Variants in ARHGAP6 observed in about 807,000 individuals in gnomAD.
ARHGAP6 encodes the protein Rho GTPase activating protein 6.
ARHGAP6 carries 16 observed loss-of-function variants against 55.7 expected under a neutral mutation model. The ratio of observed to expected loss-of-function variants is 0.29; its 90% CI spans 0.19 to 0.44. The LOEUF is 0.44. Ranked by LOEUF, ARHGAP6 falls within the 20% of genes least tolerant of loss-of-function variation. ARHGAP6 has a pLI of 1.00. For missense variants in ARHGAP6, 698 were observed against 808.9 expected (o/e 0.86, Z 1.66); for synonymous variants, 382 against 360.9 (o/e 1.06, Z -0.66).
intron 1 of ARHGAP6, among the ~76,000 whole-genome samples, chrX:11,549,015 T>G (rs919191995): frequency 8.9e-6 from 1 of 112,417 alleles, no homozygotes; most frequent in African/African-American, 3.2e-5. Context: ...CATTGAATAG[T>G]TAAACATAAG....
At chrX:11,625,416 A>C (rs2052285598) in intron 1 of ARHGAP6, among the ~76,000 whole-genome samples, 1 of 111,017 alleles carries the variant, frequency 9.0e-6, no homozygotes, top group Non-Finnish European at 1.9e-5. Context: ...ACTGGAGGAC[A>C]TTATGTTAGT....
intron 1 of ARHGAP6, among the ~76,000 whole-genome samples, chrX:11,323,882 A>G (rs940370578): frequency 1.0e-4 from 11 of 108,287 alleles, no homozygotes; most frequent in South Asian, 4.0e-4. Context: ...AAAAAAAAAA[A>G]AAAAAGAAAA....
chrX:11,387,911 T>C (rs1358456699), intron 1 of ARHGAP6, among the ~76,000 whole-genome samples: 19 of 112,078 alleles, frequency 1.7e-4, no homozygotes, highest in Admixed American at 4.7e-4. Context: ...GCATAGTATT[T>C]CATGGTGTAT....
chrX:11,326,408 G>A (rs1157597148), intron 1 of ARHGAP6, among the ~76,000 whole-genome samples: 4 of 111,183 alleles, frequency 3.6e-5, no homozygotes, highest in East Asian at 5.6e-4. Flanking sequence ...GATTACAGGC[G>A]TGAGCCATCG....
chrX:11,525,571 C>T (rs2050980857), intron 1 of ARHGAP6, among the ~76,000 whole-genome samples: 1 of 111,983 alleles, frequency 8.9e-6, no homozygotes, highest in Non-Finnish European at 1.9e-5. Context: ...TCTGCTTTTA[C>T]TACCCCATAC....
chrX:11,618,410 G>A (rs2052190985), intron 1 of ARHGAP6, among the ~76,000 whole-genome samples: 1 of 112,187 alleles, frequency 8.9e-6, no homozygotes, highest in African/African-American at 3.2e-5. Flanking sequence ...CAAAATGAAG[G>A]ATTCTACCAA....
chrX:11,663,279 G>A lies in ARHGAP6; in HGVS notation c.588+962C>T, dbSNP rs998644758. ...TAGCCTAAATCTCCAGCAATTACAT[G>A]GTATTTCATTTCATTTCTGTAATGC... is the stretch of plus-strand genomic sequence containing the variant. On this transcript the variant is annotated intron_variant, in intron 1 of 12. Transcript: ENST00000337414. Among the ~76,000 whole-genome samples the A allele has an allele frequency of 3.6e-5, 4 of 111,494 alleles. No individual in the cohort carries two copies. In the Admixed American group the frequency reaches 3.8e-4, roughly 11 times the overall value.
intron 1 of ARHGAP6, among the ~76,000 whole-genome samples, chrX:11,448,926 A>G (rs148618558): frequency 0.013 from 1,476 of 111,340 alleles, 13 homozygotes; most frequent in African/African-American, 0.033. Flanking sequence ...CCTTCATCCA[A>G]TTTTCTAAGC....
At chrX:11,225,806 A>T in intron 2 of ARHGAP6, 1 of 333,218 alleles carries the variant, frequency 3.0e-6, no homozygotes, top group Non-Finnish European at 5.3e-6. Context: ...ACAACTCATG[A>T]ACAAAAATAG....
At chrX:11,361,506 A>C (rs1242403944) in intron 1 of ARHGAP6, among the ~76,000 whole-genome samples, 1 of 111,131 alleles carries the variant, frequency 9.0e-6, no homozygotes, top group Non-Finnish European at 1.9e-5. Flanking sequence ...AATTAATTCA[A>C]GATGGATTAA....
At chrX:11,199,849 G>A (rs1311346329) in intron 2 of ARHGAP6, among the ~76,000 whole-genome samples, 1 of 112,370 alleles carries the variant, frequency 8.9e-6, no homozygotes, top group Non-Finnish European at 1.9e-5. Context: ...GTGAAATGAA[G>A]CATTGCTTTA....
chrX:11,422,399 G>A (rs2049832976), intron 1 of ARHGAP6, among the ~76,000 whole-genome samples: 1 of 111,738 alleles, frequency 8.9e-6, no homozygotes, highest in Non-Finnish European at 1.9e-5. Flanking sequence ...CTTGTGGAGT[G>A]GGGTGTGGTA....
chrX:11,383,571 T>C (rs1184322774), intron 1 of ARHGAP6, among the ~76,000 whole-genome samples: 1 of 111,572 alleles, frequency 9.0e-6, no homozygotes, highest in Admixed American at 9.6e-5. Flanking sequence ...GTGGCTGTAC[T>C]GTTCTGACTC....
intron 1 of ARHGAP6, among the ~76,000 whole-genome samples, chrX:11,476,588 G>A (rs1221887714): frequency 9.0e-6 from 1 of 110,893 alleles, no homozygotes; most frequent in Non-Finnish European, 1.9e-5. Flanking sequence ...CAAAAATCAA[G>A]ACATTGTGTA....
At chrX:11,487,384 A>G (rs1448033781) in intron 1 of ARHGAP6, among the ~76,000 whole-genome samples, 1 of 111,738 alleles carries the variant, frequency 8.9e-6, no homozygotes, top group Non-Finnish European at 1.9e-5. Flanking sequence ...GTGAGGCTAC[A>G]GCATTTTGTT....
intron 1 of ARHGAP6, among the ~76,000 whole-genome samples, chrX:11,572,014 T>A (rs2051524796): frequency 9.0e-6 from 1 of 110,866 alleles, no homozygotes; most frequent in Non-Finnish European, 1.9e-5. Flanking sequence ...AAAGCTGAGA[T>A]AGACCTGCTG....
intron 1 of ARHGAP6, among the ~76,000 whole-genome samples, chrX:11,542,804 T>C (rs1443733285): frequency 2.7e-5 from 3 of 111,973 alleles, no homozygotes; most frequent in Non-Finnish European, 5.6e-5. Flanking sequence ...ACATCTTGGA[T>C]GTGAACTTAA....
chrX:11,405,982 C>T (rs1010197376), intron 1 of ARHGAP6, among the ~76,000 whole-genome samples: 2 of 111,356 alleles, frequency 1.8e-5, no homozygotes, highest in African/African-American at 6.5e-5. Flanking sequence ...ATCATCACTG[C>T]AGCCACAGCC....
At chrX:11,149,479 G>A (rs1280964314) in intron 10 of ARHGAP6, among the ~76,000 whole-genome samples, 1 of 110,417 alleles carries the variant, frequency 9.1e-6, no homozygotes, top group Non-Finnish European at 1.9e-5. Flanking sequence ...AGGGGGGCAG[G>A]GGCAGTTAAT....
Sources: gnomAD v4.1 joint callset for allele counts (sites outside exome capture counted in the v4.1 genomes callset) on GRCh38, gnomAD v4.1.1 for gene constraint, MANE v1.5 for transcripts, NCBI Gene and HGNC (gene_info 2026-07-23, HGNC 2026-07-21) for gene names.